Variants in NAV2 observed in about 807,000 individuals in gnomAD.
The protein encoded by NAV2 is helicase, APC down-regulated 1.
Under a neutral mutation model 223.2 loss-of-function variants are expected in NAV2, and 54 were observed. The ratio of observed to expected loss-of-function variants is 0.24; its 90% CI spans 0.19 to 0.30. NAV2 has a LOEUF of 0.30. Ranked by LOEUF, NAV2 falls within the 10% of genes least tolerant of loss-of-function variation. The pLI is 1.00. For missense variants in NAV2, 2,806 were observed against 3,147.5 expected (o/e 0.89, Z 2.60); for synonymous variants, 1,279 against 1,239.3 (o/e 1.03, Z -0.67).
At chr11:19,915,683 C>G (rs1338670611) in intron 6 of NAV2, among the ~76,000 whole-genome samples, 2 of 152,134 alleles carry the variant, frequency 1.3e-5, no homozygotes, top group South Asian at 4.2e-4. Context: ...GTTTGAAGCC[C>G]TTTCTCTGAG....
chr11:19,736,555 A>G (rs2052318576), intron 1 of NAV2, among the ~76,000 whole-genome samples: 1 of 152,232 alleles, frequency 6.6e-6, no homozygotes, highest in African/African-American at 2.4e-5. Flanking sequence ...TCAGCATTAA[A>G]TACCCAGGGA....
chr11:19,769,755 A>C (rs1022853649), intron 1 of NAV2, among the ~76,000 whole-genome samples: 6 of 152,120 alleles, frequency 3.9e-5, no homozygotes, highest in Non-Finnish European at 1.5e-5. Flanking sequence ...TCAGGTAATA[A>C]TTTTTTAACC....
chr11:19,637,789 C>T (rs1273610043), intron 1 of NAV2, among the ~76,000 whole-genome samples: 1 of 152,238 alleles, frequency 6.6e-6, no homozygotes, highest in Non-Finnish European at 1.5e-5. Context: ...GCAAACACCT[C>T]CCACTGGGCC....
intron 1 of NAV2, among the ~76,000 whole-genome samples, chr11:19,776,568 T>C (rs2056177470): frequency 9.7e-6 from 1 of 103,064 alleles, no homozygotes; most frequent in Admixed American, 9.3e-5. Flanking sequence ...GCGTGTGGGC[T>C]GGGGCAGGGG....
At chr11:19,519,814 AGAG>A (rs2043584759) in intron 1 of NAV2, 1 of 152,194 alleles carries the variant, frequency 6.6e-6, no homozygotes, top group Admixed American at 6.6e-5. Flanking sequence ...CGTGATCACC[AGAG>A]GAGTGATGAT....
At chr11:20,059,052 T>C (rs1366003015) in intron 19 of NAV2, among the ~76,000 whole-genome samples, 1 of 152,138 alleles carries the variant, frequency 6.6e-6, no homozygotes, top group African/African-American at 2.4e-5. Flanking sequence ...CACTCAATCC[T>C]ACCTTGATAT....
intron 1 of NAV2, among the ~76,000 whole-genome samples, chr11:19,391,553 G>A (rs2702661): frequency 0.34 from 51,069 of 152,058 alleles, 8,994 homozygotes; most frequent in East Asian, 0.5. Context: ...TGGGCAAGAC[G>A]TTCACTGTTA....
chr11:20,047,385 A>G (rs2057551637), intron 14 of NAV2, among the ~76,000 whole-genome samples: 1 of 152,204 alleles, frequency 6.6e-6, no homozygotes, highest in Non-Finnish European at 1.5e-5. Flanking sequence ...GTGAAGAAAA[A>G]TCTTTGGTGA....
At chr11:19,351,802 TAAAAAAAAAAAAAAAA>T (rs56030401) in intron 1 of NAV2, among the ~76,000 whole-genome samples, 2 of 114,678 alleles carry the variant, frequency 1.7e-5, no homozygotes, top group African/African-American at 6.9e-5. Flanking sequence ...TTGTGTATGG[TAAAAAAAAAAAAAAAA>T]AAAAAAAAAA....
At chr11:20,115,562 G>A (rs2062994472) in intron 37 of NAV2, among the ~76,000 whole-genome samples, 1 of 150,008 alleles carries the variant, frequency 6.7e-6, no homozygotes, top group South Asian at 2.1e-4. Flanking sequence ...AACCCGGGAG[G>A]TGGAGCTTGC....
At chr11:19,854,238 T>A (rs947800776) in intron 3 of NAV2, among the ~76,000 whole-genome samples, 2 of 152,122 alleles carry the variant, frequency 1.3e-5, no homozygotes, top group African/African-American at 4.8e-5. Flanking sequence ...TTTTTAAAAA[T>A]TTGCCGTGAA....
At chr11:19,908,013 C>A (rs543602082) in intron 6 of NAV2, among the ~76,000 whole-genome samples, 1 of 152,298 alleles carries the variant, frequency 6.6e-6, no homozygotes, top group East Asian at 1.9e-4. Flanking sequence ...TCTGAGCATG[C>A]CAAGATGCCC....
intron 1 of NAV2, among the ~76,000 whole-genome samples, chr11:19,626,201 G>A (rs1028177989): frequency 5.3e-5 from 8 of 152,112 alleles, no homozygotes; most frequent in Admixed American, 1.3e-4. Context: ...ATTTTGAGTT[G>A]ATTTTAGTAT....
intron 1 of NAV2, among the ~76,000 whole-genome samples, chr11:19,361,529 T>C (rs1853944236): frequency 6.6e-6 from 1 of 152,022 alleles, no homozygotes; most frequent in Admixed American, 6.6e-5. Context: ...GCACAGAAGG[T>C]AGGCCAAAGT....
intron 1 of NAV2, among the ~76,000 whole-genome samples, chr11:19,508,553 C>T (rs750483212): frequency 6.6e-6 from 1 of 152,116 alleles, no homozygotes; most frequent in Non-Finnish European, 1.5e-5. Flanking sequence ...GGGCGAGTTC[C>T]TAATCACCTT....
chr11:19,644,078 G>A (rs74977513), intron 1 of NAV2, among the ~76,000 whole-genome samples: 1 of 38,418 alleles, frequency 2.6e-5, no homozygotes, highest in African/African-American at 4.3e-5. Context: ...GTGTGTGCAT[G>A]TGCACACACA....
In NAV2 at chr11:19,530,802, G is replaced by A. The variant is rs114008267; in HGVS notation, c.75+179775G>A. ...TAACTCAAAACAGCCCTGAAAGGTC[G>A]GCCTAATTCTTCCAATTATACAGAT... On this transcript the variant is annotated intron_variant, in intron 1 of 37. Transcript: ENST00000360655. Among the ~76,000 whole-genome samples the A allele has an allele frequency of 6.3e-3, 959 of 152,302 alleles. 14 individuals are homozygous for A. The highest frequency in any genetic ancestry group is 0.022 in the African/African-American group (898 of 41,556).
Position 20,061,907 on chromosome 11 carries a change from C to A in NAV2, c.4832-400C>A, listed in dbSNP as rs140065542. Among the ~76,000 whole-genome samples, 4 of 152,202 alleles carry A rather than the reference C, an allele frequency of 2.6e-5. No homozygotes were observed. The East Asian group carries it at 7.7e-4, about 29-fold the overall frequency. ...ACACAGTCTTAACCCTAAAGGAATA[C>A]ATTAGAAAAAAGAGTGAAGCGAAAT... is the stretch of plus-strand genomic sequence containing the variant. On this transcript the variant is annotated intron_variant, in intron 19 of 37. Transcript: ENST00000349880.
At chr11:19,663,858 A>G (rs1590056214) in intron 1 of NAV2, among the ~76,000 whole-genome samples, 1 of 151,938 alleles carries the variant, frequency 6.6e-6, no homozygotes, top group Non-Finnish European at 1.5e-5. Flanking sequence ...GTATGGACTC[A>G]TTTTCTAATA....
Sources: gnomAD v4.1 joint callset for allele counts (sites outside exome capture counted in the v4.1 genomes callset) on GRCh38, gnomAD v4.1.1 for gene constraint, MANE v1.5 for transcripts, NCBI Gene and HGNC (gene_info 2026-07-23, HGNC 2026-07-21) for gene names.